Variants in PDSS2 observed in about 807,000 individuals in gnomAD.
PDSS2 encodes the protein decaprenyl diphosphate synthase subunit 2, also known as all trans-polyprenyl-diphosphate synthase PDSS2.
In PDSS2, 31 loss-of-function variants were observed where a neutral mutation model predicts 44.5. The observed-to-expected ratio is 0.70, with a 90% CI of 0.52 to 0.94. The LOEUF is 0.94. Ranked by LOEUF, PDSS2 falls within the 40% of genes least tolerant of loss-of-function variation. The pLI, the probability that PDSS2 is intolerant of heterozygous loss-of-function variation, is 0.00. For missense variants in PDSS2, 452 were observed against 482.2 expected, an observed-to-expected ratio of 0.94 and a Z score of 0.59; for synonymous variants, 157 against 180.3, an observed-to-expected ratio of 0.87 and a Z score of 1.03.
At chr6:107,457,967 T>A in intron 1 of PDSS2, among the ~76,000 whole-genome samples, 1 of 152,072 alleles carries the variant, frequency 6.6e-6, no homozygotes, top group East Asian at 1.9e-4. Flanking sequence ...TACCATCAAA[T>A]GATTCAGAAA....
At chr6:107,364,685 G>A (rs554992637) in intron 1 of PDSS2, among the ~76,000 whole-genome samples, 1 of 152,162 alleles carries the variant, frequency 6.6e-6, no homozygotes, top group African/African-American at 2.4e-5. Flanking sequence ...CCCAGAAAGG[G>A]GCTCCCACAG....
At chr6:107,414,153 A>T (rs1780590192) in intron 1 of PDSS2, among the ~76,000 whole-genome samples, 1 of 152,264 alleles carries the variant, frequency 6.6e-6, no homozygotes, top group African/African-American at 2.4e-5. Flanking sequence ...ATGTGGCTGG[A>T]AGCCAAAGTG....
chr6:107,335,339 C>A (rs192146358), intron 1 of PDSS2, among the ~76,000 whole-genome samples: 2 of 152,210 alleles, frequency 1.3e-5, no homozygotes, highest in Non-Finnish European at 2.9e-5. Flanking sequence ...AAGAAACTGA[C>A]ATATAAATCA....
At chr6:107,418,642 G>A (rs1228474314) in intron 1 of PDSS2, among the ~76,000 whole-genome samples, 1 of 152,100 alleles carries the variant, frequency 6.6e-6, no homozygotes, top group East Asian at 1.9e-4. Flanking sequence ...GGGTGTGGTG[G>A]CAGGCACCTG....
intron 1 of PDSS2, among the ~76,000 whole-genome samples, chr6:107,414,991 A>C (rs1337131819): frequency 1.3e-5 from 2 of 152,094 alleles, no homozygotes; most frequent in African/African-American, 2.4e-5. Context: ...TAGAATCTCA[A>C]CTCAATGAGT....
At chr6:107,365,124 C>T (rs1778922590) in intron 1 of PDSS2, among the ~76,000 whole-genome samples, 1 of 152,136 alleles carries the variant, frequency 6.6e-6, no homozygotes, top group South Asian at 2.1e-4. Context: ...TCTGTAAATA[C>T]ATTTTTCTCA....
At chr6:107,323,553 C>T (rs1171473573) in intron 2 of PDSS2, among the ~76,000 whole-genome samples, 1 of 152,070 alleles carries the variant, frequency 6.6e-6, no homozygotes, top group Non-Finnish European at 1.5e-5. Context: ...AGACAAGAAC[C>T]CAGATCTCTG....
chr6:107,263,531 T>C (rs1390396279), intron 3 of PDSS2, among the ~76,000 whole-genome samples: 1 of 152,098 alleles, frequency 6.6e-6, no homozygotes, highest in East Asian at 1.9e-4. Context: ...TGTTGTTAGG[T>C]TTCTGGTTTG....
intron 4 of PDSS2, among the ~76,000 whole-genome samples, chr6:107,244,159 A>G (rs1008797211): frequency 1.3e-5 from 2 of 152,160 alleles, no homozygotes; most frequent in African/African-American, 2.4e-5. Flanking sequence ...ACAAAAAAAG[A>G]GTCTGGGCTC....
intron 3 of PDSS2, chr6:107,264,572 A>T: frequency 9.6e-7 from 1 of 1,041,014 alleles, no homozygotes. Flanking sequence ...GCTTATCATT[A>T]TATATGTAAA....
intron 1 of PDSS2, among the ~76,000 whole-genome samples, chr6:107,418,509 C>T (rs180754349): frequency 6.6e-6 from 1 of 152,128 alleles, no homozygotes; most frequent in African/African-American, 2.4e-5. Context: ...TGGTGGCTCA[C>T]GCCTGTAATC....
intron 4 of PDSS2, among the ~76,000 whole-genome samples, chr6:107,226,293 C>G (rs1296807828): frequency 6.6e-6 from 1 of 152,158 alleles, no homozygotes; most frequent in South Asian, 2.1e-4. Flanking sequence ...GCCTGGGCGA[C>G]AAAGCGAGAC....
chr6:107,429,904 ATAT>A (rs1562534243), intron 1 of PDSS2, among the ~76,000 whole-genome samples: 1,114 of 33,218 alleles, frequency 0.034, 111 homozygotes, highest in Middle Eastern at 0.056. Flanking sequence ...AAAAAAAAAT[ATAT>A]ATATATATAT....
intron 1 of PDSS2, among the ~76,000 whole-genome samples, chr6:107,362,604 T>C (rs1001063225): frequency 2.0e-5 from 3 of 152,160 alleles, no homozygotes; most frequent in Non-Finnish European, 4.4e-5. Flanking sequence ...CTACAATATA[T>C]TGTCTAAAAT....
chr6:107,193,999 T>C (rs1405046106), intron 6 of PDSS2, 145 bp from the exon 7 acceptor site: 3 of 666,284 alleles, frequency 4.5e-6, no homozygotes, highest in Non-Finnish European at 8.1e-6. Flanking sequence ...CTATATATTA[T>C]AATCCATGTA....
At chr6:107,285,472 C>T (rs1776108762) in intron 2 of PDSS2, among the ~76,000 whole-genome samples, 1 of 150,982 alleles carries the variant, frequency 6.6e-6, no homozygotes, top group Non-Finnish European at 1.5e-5. Flanking sequence ...TAATAAGACC[C>T]CATTTTGAAG....
intron 1 of PDSS2, among the ~76,000 whole-genome samples, chr6:107,423,405 C>T (rs1285501123): frequency 6.6e-6 from 1 of 152,056 alleles, no homozygotes; most frequent in Non-Finnish European, 1.5e-5. Context: ...GAAATAATTT[C>T]CTTTTTACAT....
At chr6:107,183,438 C>T (rs1337843935) in intron 7 of PDSS2, among the ~76,000 whole-genome samples, 1 of 152,158 alleles carries the variant, frequency 6.6e-6, no homozygotes, top group African/African-American at 2.4e-5. Flanking sequence ...TGGCTCATGC[C>T]TGTAATCTCA....
intron 1 of PDSS2, among the ~76,000 whole-genome samples, chr6:107,416,553 AC>A (rs1451156862): frequency 3.9e-5 from 6 of 152,240 alleles, no homozygotes; most frequent in African/African-American, 1.4e-4. Context: ...TTGCATGAAC[AC>A]ATAACATGAC....
Sources: gnomAD v4.1 joint callset for allele counts (sites outside exome capture counted in the v4.1 genomes callset) on GRCh38, gnomAD v4.1.1 for gene constraint, MANE v1.5 for transcripts, NCBI Gene and HGNC (gene_info 2026-07-23, HGNC 2026-07-21) for gene names.